HSF5: variants seen among roughly 807,000 people sequenced by gnomAD.
The protein encoded by HSF5 is heat shock transcription factor 5.
In HSF5, 5 loss-of-function variants were observed where a neutral mutation model predicts 50.8. The observed-to-expected ratio is 0.10, with a 90% confidence interval of 0.05 to 0.21. The LOEUF (loss-of-function observed/expected upper bound fraction) is 0.21. Among genes scored for constraint, HSF5 ranks in the 10% least tolerant of loss-of-function variants. The pLI, the probability that HSF5 is intolerant of heterozygous loss-of-function variation, is 1.00. For missense variants in HSF5, 564 were observed against 762.6 expected (o/e 0.74, Z 3.07); for synonymous variants, 307 against 307.4 (o/e 1.00, Z 0.02).
At chr17:58,466,355 C>T (rs1314814358) in intron 3 of HSF5, among the ~76,000 whole-genome samples, 1 of 152,126 alleles carries the variant, frequency 6.6e-6, no homozygotes, top group Admixed American at 6.6e-5. Context: ...CATTTGGTGA[C>T]TTACACACTT....
At chr17:58,480,334 G>C in intron 1 of HSF5, 67 bp from the exon 2 acceptor site, 4 of 1,469,168 alleles carry the variant, frequency 2.7e-6, no homozygotes, top group Non-Finnish European at 3.7e-6. Flanking sequence ...TAAACCAAAG[G>C]TCATAAAATA....
chr17:58,454,209 G>C (rs1165519950), intron 5 of HSF5, among the ~76,000 whole-genome samples: 1 of 148,686 alleles, frequency 6.7e-6, no homozygotes, highest in African/African-American at 2.5e-5. Flanking sequence ...ACCCAAGAAT[G>C]ATCAATAAAA....
At chr17:58,456,289 A>T (rs1283380881) in intron 5 of HSF5, among the ~76,000 whole-genome samples, 1 of 152,154 alleles carries the variant, frequency 6.6e-6, no homozygotes, top group African/African-American at 2.4e-5. Flanking sequence ...GGAGAACATT[A>T]TGTTAAGTGA....
At chr17:58,479,365 T>C (rs908291583) in intron 2 of HSF5, among the ~76,000 whole-genome samples, 1 of 151,974 alleles carries the variant, frequency 6.6e-6, no homozygotes, top group African/African-American at 2.4e-5. Flanking sequence ...TGCTGTGGAG[T>C]GATCTCTGCT....
rs1975074800 is a variant in HSF5 at position 58,479,959 on chromosome 17, T to C, written c.859A>G (p.Ser287Gly). Residue 287 changes from serine to glycine, a missense_variant, in exon 2 of 6, where the codon AGC becomes GGC. This residue lies in a region of HSF5 where 441 missense variants were observed against 533.6 expected (regional missense o/e 0.83). Coordinates refer to ENST00000323777, the MANE Select transcript of HSF5 (RefSeq NM_001080439.3). ...TAGTTACTGTATTTTTGGGAGGAGC[T>C]GACCATTGTTTGAGGACCTTGTTGA... ...HVQQGPQTMVSSSQKYSNYTP... is the reference protein window; with the variant it reads ...HVQQGPQTMVGSSQKYSNYTP... The C allele has an allele frequency of 6.2e-7, 1 of 1,614,096 alleles. No individual in the cohort carries two copies. The highest frequency in any genetic ancestry group is 1.3e-5 in the African/African-American group (1 of 75,032).
intron 2 of HSF5, among the ~76,000 whole-genome samples, chr17:58,467,719 T>G (rs1363897441): frequency 1.3e-5 from 2 of 152,248 alleles, no homozygotes; most frequent in African/African-American, 4.8e-5. Flanking sequence ...AAGCAAACAG[T>G]AAGTGTTAGC....
intron 5 of HSF5, among the ~76,000 whole-genome samples, chr17:58,425,714 C>A (rs544953961): frequency 6.6e-6 from 1 of 150,726 alleles, no homozygotes; most frequent in Non-Finnish European, 1.5e-5. Context: ...CATAACATCT[C>A]TTTTTCAAGT....
At chr17:58,448,983 G>A (rs1483621960) in intron 5 of HSF5, among the ~76,000 whole-genome samples, 2 of 152,108 alleles carry the variant, frequency 1.3e-5, no homozygotes, top group Non-Finnish European at 2.9e-5. Flanking sequence ...GTGTGAAGGG[G>A]GATGGAGTTA....
intron 2 of HSF5, among the ~76,000 whole-genome samples, chr17:58,467,641 T>C (rs986379352): frequency 1.3e-5 from 2 of 152,192 alleles, no homozygotes; most frequent in African/African-American, 4.8e-5. Flanking sequence ...ACCTACCAAA[T>C]ATGGTGGTTG....
chr17:58,482,000 G>A (rs866534469), intron 1 of HSF5, among the ~76,000 whole-genome samples: 3 of 152,044 alleles, frequency 2.0e-5, no homozygotes, highest in Admixed American at 6.6e-5. Context: ...ACCCTGTTTC[G>A]AAAAGAAATA....
At chr17:58,450,431 A>G (rs1974623340) in intron 5 of HSF5, among the ~76,000 whole-genome samples, 1 of 152,012 alleles carries the variant, frequency 6.6e-6, no homozygotes, top group South Asian at 2.1e-4. Flanking sequence ...CCAAACAAGA[A>G]GAGCATTAGC....
chr17:58,439,797 T>A (rs893870903), intron 5 of HSF5, among the ~76,000 whole-genome samples: 1 of 152,082 alleles, frequency 6.6e-6, no homozygotes, highest in Non-Finnish European at 1.5e-5. Context: ...AATTATAAAT[T>A]TAGTAGCCAA....
intron 5 of HSF5, among the ~76,000 whole-genome samples, chr17:58,446,751 A>G (rs755175948): frequency 1.3e-5 from 2 of 152,146 alleles, no homozygotes; most frequent in Non-Finnish European, 2.9e-5. Context: ...CCAACACAAT[A>G]CCAGTTGCAG....
At chr17:58,431,409 T>C (rs768213597) in intron 5 of HSF5, among the ~76,000 whole-genome samples, 5 of 152,178 alleles carry the variant, frequency 3.3e-5, no homozygotes, top group Admixed American at 1.3e-4. Context: ...AAAGGTACCA[T>C]AAAACTACAG....
rs779816051 is a variant in HSF5, at chr17:58,463,126, A to G, written c.1198T>C (p.Cys400Arg). The G allele has an allele frequency of 8.7e-6, 14 of 1,614,212 alleles. No homozygotes were observed. The South Asian group carries it at 1.3e-4, about 15-fold the overall frequency. Residue 400 changes from cysteine (C) to arginine (R), a missense_variant, in exon 4 of 6, where the codon TGC (cysteine) becomes CGC (arginine). Cys to Arg is a radical substitution (Grantham distance 180, BLOSUM62 -3). Around this residue, in one of 5 missense-constraint regions of HSF5, gnomAD observed 441 missense variants for 533.6 expected, o/e 0.83. Coordinates refer to ENST00000323777, the MANE Select transcript of HSF5 (RefSeq NM_001080439.3). ...MVKVEPVENQCPTSPSYRGQH... is the reference protein window; with the variant it reads ...MVKVEPVENQRPTSPSYRGQH... ...CCTCTGTAAGACGGAGATGTTGGGC[A>G]CTGATTCTCAACAGGCTCCACCTTT...
intron 5 of HSF5, among the ~76,000 whole-genome samples, chr17:58,450,022 CAA>C (rs71143248): frequency 3.9e-5 from 3 of 76,566 alleles, no homozygotes. Context: ...GACTCCGTCT[CAA>C]AAAAAAAAAA....
rs61125428 is a variant in HSF5, at chr17:58,451,948, T to TAAA, written c.1720+6817_1720+6819dup. ...ACTAAACAAGCCTTTAGTTAGACTT[T>TAAA]AAAAAAAAAAAAAAAAAAGGACGGC... is the stretch of plus-strand genomic sequence containing the variant. On this transcript the variant is annotated intron_variant, in intron 5 of 5. Transcript: ENST00000323777. Among the ~76,000 whole-genome samples, 145 of 131,794 alleles carry TAAA rather than the reference T, an allele frequency of 1.1e-3. 4 individuals are homozygous for TAAA. The highest frequency in any genetic ancestry group is 3.0e-3 in the African/African-American group (104 of 35,108). 86.5% of individuals were successfully genotyped at this position (131,794 alleles called of 152,430 possible).
At chr17:58,476,566 A>C (rs1975014449) in intron 2 of HSF5, 2 of 1,490,132 alleles carry the variant, frequency 1.3e-6, no homozygotes, top group African/African-American at 2.8e-5. Flanking sequence ...ATTTTGATCA[A>C]AATAAAAATC....
chr17:58,436,330 A>G (rs1387555635), intron 5 of HSF5, among the ~76,000 whole-genome samples: 1 of 150,346 alleles, frequency 6.7e-6, no homozygotes, highest in Non-Finnish European at 1.5e-5. Context: ...TTCTGCCTAC[A>G]CTTTAATTAA....
Sources: gnomAD v4.1 joint callset for allele counts (sites outside exome capture counted in the v4.1 genomes callset) on GRCh38, gnomAD v4.1.1 for gene constraint, gnomAD v4.1.1 regional missense constraint, MANE v1.5 for transcripts, NCBI Gene and HGNC (gene_info 2026-07-23, HGNC 2026-07-21) for gene names.